PDGFC: variants seen among roughly 807,000 people sequenced by gnomAD.
PDGFC encodes platelet derived growth factor C.
PDGFC carries 12 observed loss-of-function variants against 35.5 expected under a neutral mutation model. That is an observed-to-expected ratio of 0.34 (90% CI 0.22 to 0.55). The LOEUF (loss-of-function observed/expected upper bound fraction) is 0.55. PDGFC is among the 20% of genes least tolerant of loss of function. PDGFC has a pLI of 0.91. For synonymous variants in PDGFC, 159 were observed against 148.8 expected (o/e 1.07, Z -0.50); for missense variants, 322 against 412.4 (o/e 0.78, Z 1.90).
At chr4:156,883,023 G>A (rs1579075500) in intron 1 of PDGFC, among the ~76,000 whole-genome samples, 1 of 151,232 alleles carries the variant, frequency 6.6e-6, no homozygotes, top group Non-Finnish European at 1.5e-5. Context: ...GGCGGAGCTT[G>A]CAGTGAGCCA....
chr4:156,892,484 T>C (rs2111198278), intron 1 of PDGFC, among the ~76,000 whole-genome samples: 1 of 152,300 alleles, frequency 6.6e-6, no homozygotes, highest in South Asian at 2.1e-4. Context: ...CCACCATTTC[T>C]TTTACCACAA....
chr4:156,877,207 G>A (rs1354224046), intron 1 of PDGFC, among the ~76,000 whole-genome samples: 1 of 151,824 alleles, frequency 6.6e-6, no homozygotes, highest in African/African-American at 2.4e-5. Context: ...ATATATAATA[G>A]AGAAAATGGG....
chr4:156,939,495 T>C (rs1356825527), intron 1 of PDGFC, among the ~76,000 whole-genome samples: 1 of 152,080 alleles, frequency 6.6e-6, no homozygotes, highest in Non-Finnish European at 1.5e-5. Context: ...AAAGTGGGCT[T>C]GAAGAGATGA....
chr4:156,887,571 G>T (rs1263845908), intron 1 of PDGFC, among the ~76,000 whole-genome samples: 2 of 152,036 alleles, frequency 1.3e-5, no homozygotes, highest in African/African-American at 4.8e-5. Flanking sequence ...TAGGAGTCCA[G>T]GTTGATTGAT....
chr4:156,930,783 G>T (rs1391211320), intron 1 of PDGFC, among the ~76,000 whole-genome samples: 1 of 152,046 alleles, frequency 6.6e-6, no homozygotes, highest in South Asian at 2.1e-4. Context: ...CAGGAGGGTC[G>T]CTTGAACCAG....
At chr4:156,844,524 T>C (rs186523165) in intron 2 of PDGFC, among the ~76,000 whole-genome samples, 3 of 152,088 alleles carry the variant, frequency 2.0e-5, no homozygotes, top group African/African-American at 7.2e-5. Flanking sequence ...ATTTTTTTAA[T>C]GCTACTCATG....
chr4:156,860,483 C>T lies in PDGFC; in HGVS notation c.119-10067G>A, dbSNP rs1367252219. Among the ~76,000 whole-genome samples the T allele has an allele frequency of 2.0e-5, 3 of 151,948 alleles. No individual in the cohort carries two copies. In the East Asian group the frequency reaches 5.8e-4, roughly 29 times the overall value. On this transcript the variant is annotated intron_variant, in intron 1 of 5. Coordinates refer to ENST00000502773, the MANE Select transcript of PDGFC (RefSeq NM_016205.3). The stretch of plus-strand genomic sequence containing the variant: ...TTCTCCACTATGTTCCTTATAAATC[C>T]ATCTATCCCTCTAAAAGAAATGTAC...
intron 4 of PDGFC, among the ~76,000 whole-genome samples, chr4:156,768,437 A>G (rs1284484710): frequency 6.6e-6 from 1 of 152,124 alleles, no homozygotes; most frequent in Non-Finnish European, 1.5e-5. Flanking sequence ...ACAATTAGTG[A>G]AGAACAATTT....
chr4:156,901,191 A>C (rs1730773272), intron 1 of PDGFC, among the ~76,000 whole-genome samples: 1 of 152,206 alleles, frequency 6.6e-6, no homozygotes, highest in Admixed American at 6.5e-5. Flanking sequence ...TCAGATCAGT[A>C]TCCATATGAG....
intron 1 of PDGFC, among the ~76,000 whole-genome samples, chr4:156,852,243 T>G (rs1277602637): frequency 6.6e-6 from 1 of 152,134 alleles, no homozygotes; most frequent in Non-Finnish European, 1.5e-5. Context: ...GTATTTGCAG[T>G]AACATCATGG....
chr4:156,857,145 T>C (rs1236931562), intron 1 of PDGFC, among the ~76,000 whole-genome samples: 3 of 151,810 alleles, frequency 2.0e-5, no homozygotes, highest in Non-Finnish European at 4.4e-5. Flanking sequence ...ATGATATTTG[T>C]ATAAAAGAAT....
At chr4:156,927,510 C>T (rs1444037854) in intron 1 of PDGFC, among the ~76,000 whole-genome samples, 3 of 152,110 alleles carry the variant, frequency 2.0e-5, no homozygotes, top group African/African-American at 7.2e-5. Flanking sequence ...AAATTTCTTC[C>T]ACAAGATACC....
chr4:156,961,858 T>C (rs550019015), intron 1 of PDGFC, among the ~76,000 whole-genome samples: 16 of 152,140 alleles, frequency 1.1e-4, no homozygotes, highest in Non-Finnish European at 1.9e-4. Context: ...TAGCTCTTTG[T>C]TTACATAAAG....
intron 1 of PDGFC, among the ~76,000 whole-genome samples, chr4:156,873,154 T>C (rs1268378111): frequency 6.6e-6 from 1 of 152,192 alleles, no homozygotes; most frequent in African/African-American, 2.4e-5. Context: ...AGAATGCTCA[T>C]ATATAATTCT....
Position 156,971,082 on chromosome 4 carries a change from C to T in PDGFC, c.-179G>A, listed in dbSNP as rs985460909. On this transcript the variant is annotated 5_prime_UTR_variant, in exon 1 of 6. Coordinates refer to ENST00000502773, the MANE Select transcript of PDGFC (RefSeq NM_016205.3). Reference sequence around the variant, plus strand: ...CCCATCCAAAACTTTTTCCTAGAGCCCTCTTCTGTGTCTCCAGTTTTTGAA... The same window carrying T: ...CCCATCCAAAACTTTTTCCTAGAGCTCTCTTCTGTGTCTCCAGTTTTTGAA... 21 of 573,962 alleles carry T rather than the reference C, an allele frequency of 3.7e-5. No individual in the cohort carries two copies. The highest frequency in any genetic ancestry group is 5.3e-5 in the Non-Finnish European group (17 of 321,108). 35.6% of individuals were successfully genotyped at this position (573,962 alleles called of 1,614,324 possible).
rs568665049 is a variant in PDGFC, at chr4:156,957,166, G to A, written c.118+13620C>T. On this transcript the variant is annotated intron_variant, in intron 1 of 5. Coordinates refer to ENST00000502773, the MANE Select transcript of PDGFC (RefSeq NM_016205.3). ...CTGTGTTCCAATATCAACGGTAGGAGAACTTTCTAAAAATAGAAGGCTTAT... is the reference window on the plus strand; with the variant it reads ...CTGTGTTCCAATATCAACGGTAGGAAAACTTTCTAAAAATAGAAGGCTTAT... 8.5e-5 allele frequency among the ~76,000 whole-genome samples: 13 copies of A among 152,102 alleles called. No homozygotes were observed. The South Asian group carries it at 2.5e-3, about 29-fold the overall frequency.
At chr4:156,819,979 T>C (rs1020458881) in intron 2 of PDGFC, among the ~76,000 whole-genome samples, 1 of 152,084 alleles carries the variant, frequency 6.6e-6, no homozygotes, top group African/African-American at 2.4e-5. Flanking sequence ...GTTCAAGACT[T>C]TGATGGAGGA....
chr4:156,801,994 C>A (rs1482835150), intron 3 of PDGFC, among the ~76,000 whole-genome samples: 3 of 152,132 alleles, frequency 2.0e-5, no homozygotes, highest in Non-Finnish European at 2.9e-5. Flanking sequence ...AATTAGTGAG[C>A]CCGAGACAAA....
intron 1 of PDGFC, among the ~76,000 whole-genome samples, chr4:156,920,643 AAACACAC>A (rs1353388059): frequency 1.4e-4 from 16 of 114,716 alleles, no homozygotes; most frequent in Admixed American, 1.4e-3. Context: ...CAGGAAAAGA[AAACACAC>A]ACACACACAC....
Sources: gnomAD v4.1 joint callset for allele counts (sites outside exome capture counted in the v4.1 genomes callset) on GRCh38, gnomAD v4.1.1 for gene constraint, MANE v1.5 for transcripts, NCBI Gene and HGNC (gene_info 2026-07-23, HGNC 2026-07-21) for gene names.